Variants in LRRC53 observed in about 807,000 individuals in gnomAD.
The protein encoded by LRRC53 is leucine-rich repeat-containing protein 53.
LRRC53 carries 25 observed loss-of-function variants against 13.6 expected under a neutral mutation model. That is an observed-to-expected ratio of 1.83 (90% confidence interval 1.34 to 2.56). LRRC53 has a LOEUF of 2.56. Ranked by LOEUF, LRRC53 falls within the 30% of genes most tolerant of loss-of-function variation. LRRC53 has a pLI of 0.00. For synonymous variants in LRRC53, 204 were observed against 109.8 expected, an observed-to-expected ratio of 1.86 and a Z score of -5.37; for missense variants, 527 against 275.8, an observed-to-expected ratio of 1.91 and a Z score of -6.45.
rs200475459 is a variant in LRRC53 at position 74,492,223 on chromosome 1, G to C, written c.-26-8848C>G. The C allele has an allele frequency of 3.8e-5, 61 of 1,612,446 alleles. No individual in the cohort carries two copies. The highest frequency in any genetic ancestry group is 5.0e-5 in the Admixed American group (3 of 59,992). ...AGCATTAAGAAGTCGTTTCGAATTG[G>C]AATATGCTCTAAATGCAAGGTCCTA... is the stretch of plus-strand genomic sequence containing the variant. On this transcript the variant is annotated intron_variant, in intron 1 of 4. Transcript: ENST00000294635.
At chr1:74,524,805 G>A in the LRRC53 span, among the ~76,000 whole-genome samples, 2 of 152,116 alleles carry the variant, frequency 1.3e-5, no homozygotes, top group African/African-American at 4.8e-5. Context: ...GCCTCATGAA[G>A]GGGGACAGGC....
chr1:74,486,234 G>GT (rs1668757949), intron 1 of LRRC53, among the ~76,000 whole-genome samples: 1 of 56,262 alleles, frequency 1.8e-5, no homozygotes, highest in Non-Finnish European at 4.9e-5. Flanking sequence ...AGAGAGAGAG[G>GT]TGGGAAATAT....
At chr1:74,531,618 G>A in the LRRC53 span, among the ~76,000 whole-genome samples, 1 of 152,170 alleles carries the variant, frequency 6.6e-6, no homozygotes, top group Non-Finnish European at 1.5e-5. Context: ...TATGGCAAGA[G>A]ATTTATTATC....
chr1:74,503,453 G>A (rs181393050), intron 1 of LRRC53, among the ~76,000 whole-genome samples: 149 of 152,290 alleles, frequency 9.8e-4, no homozygotes, highest in African/African-American at 3.3e-3. Flanking sequence ...CCTCACTTCA[G>A]CAGTGTCTTC....
At chr1:74,481,032 G>A (rs1668475949) in intron 2 of LRRC53, 64 bp from the exon 3 acceptor site, 1 of 637,576 alleles carries the variant, frequency 1.6e-6, no homozygotes, top group African/African-American at 1.8e-5. Flanking sequence ...GGGGTATGGT[G>A]GAGAGCAGAG....
chr1:74,475,061 T>A (rs74093596), intron 4 of LRRC53, among the ~76,000 whole-genome samples: 1 of 149,952 alleles, frequency 6.7e-6, no homozygotes, highest in Non-Finnish European at 1.5e-5. Flanking sequence ...CTTTTAGCAG[T>A]CAGGAGATGC....
chr1:74,483,247 T>C lies in LRRC53; in HGVS notation c.88+15A>G, dbSNP rs1229301718. ...TACACTGAGCACTGCTTTTTAGAGT[T>C]ATTAGTTTTATTACCTACTATATAG... On this transcript the variant is annotated intron_variant, in intron 2 of 4. Coordinates refer to ENST00000294635, the MANE Select transcript of LRRC53 (RefSeq NM_001382280.1). 1.4e-6 allele frequency: 1 copy of C among 716,844 alleles called. No individual in the cohort carries two copies. Among genetic ancestry groups the C allele is most frequent in the Non-Finnish European group, 2.6e-6 (1 of 384,620 alleles). 44.4% of individuals were successfully genotyped at this position (716,844 alleles called of 1,614,324 possible). A position where few individuals can be genotyped will look rare whatever the true frequency, so the allele number is the denominator to read the frequency against.
At chr1:74,516,986 C>G (rs1004706155), upstream of LRRC53, among the ~76,000 whole-genome samples, 4 of 152,142 alleles carry the variant, frequency 2.6e-5, no homozygotes, top group Non-Finnish European at 4.4e-5. Context: ...CTCCCATGAG[C>G]ATCATTATGA....
rs1667849348 is a variant in LRRC53, at chr1:74,470,048, T to C, written c.3574A>G (p.Thr1192Ala). The C allele has an allele frequency of 2.5e-6, 1 of 400,734 alleles. No homozygotes were observed. Among genetic ancestry groups the C allele is most frequent in the African/African-American group, 2.0e-5 (1 of 48,834 alleles). 24.8% of individuals were successfully genotyped at this position (400,734 alleles called of 1,614,324 possible). The change falls in exon 5 of 5, where the codon ACA (threonine) becomes GCA (alanine). Residue 1192 changes from threonine (T) to alanine (A), a missense_variant. Physicochemically the swap from Thr to Ala is moderately conservative, Grantham distance 58 (BLOSUM62 0). Coordinates refer to ENST00000294635, the MANE Select transcript of LRRC53 (RefSeq NM_001382280.1). ...GGTAAGAAGGAAAGCGCTTCATGTG[T>C]CTCCACTGTCATTGCGCCTTCTTTA... ...AHKEGAMTVE[T>A]HEALSFLPGL...
chr1:74,494,070 G>A (rs1273651093), intron 1 of LRRC53, among the ~76,000 whole-genome samples: 1 of 152,092 alleles, frequency 6.6e-6, no homozygotes, highest in Non-Finnish European at 1.5e-5. Flanking sequence ...CCTGAAGAGT[G>A]CATACTTTCC....
chr1:74,480,695 G>A lies in LRRC53; in HGVS notation c.362C>T (p.Thr121Ile), dbSNP rs1049737621. Reference sequence around the variant, plus strand: ...GTTTCGGAACCAAGACCCTCGTAGGGTGCGGAGAGCATTATTGCTCAGCAC... The same window carrying A: ...GTTTCGGAACCAAGACCCTCGTAGGATGCGGAGAGCATTATTGCTCAGCAC... ...VLVLSNNALRTLRGSWFRNTS... is the reference protein window; with the variant it reads ...VLVLSNNALRILRGSWFRNTS... Residue 121 changes from threonine (T) to isoleucine (I), a missense_variant, in exon 3 of 5, where the codon ACC (threonine) becomes ATC (isoleucine). By Grantham distance (89) the Thr-to-Ile change is moderately conservative (BLOSUM62 -1). Transcript: ENST00000294635. The A allele has an allele frequency of 1.7e-5, 12 of 717,284 alleles. No homozygotes were observed. The highest frequency in any genetic ancestry group is 1.4e-4 in the Admixed American group (7 of 49,990). 44.4% of individuals were successfully genotyped at this position (717,284 alleles called of 1,614,324 possible).
At chr1:74,518,319 C>T in the LRRC53 span, among the ~76,000 whole-genome samples, 255 of 152,264 alleles carry the variant, frequency 1.7e-3, no homozygotes, top group African/African-American at 5.7e-3. Context: ...TATTTATTTT[C>T]ATCTCCTATT....
chr1:74,526,696 C>T, the LRRC53 span, among the ~76,000 whole-genome samples: 10 of 152,046 alleles, frequency 6.6e-5, no homozygotes, highest in Non-Finnish European at 1.5e-4. Context: ...CATTCCTCTC[C>T]TAGGAGAAGC....
upstream of LRRC53, among the ~76,000 whole-genome samples, chr1:74,513,583 A>G (rs956941259): frequency 6.6e-6 from 1 of 152,146 alleles, no homozygotes; most frequent in African/African-American, 2.4e-5. Context: ...AATCTGCTTC[A>G]TCCAGAGGCA....
chr1:74,491,008 A>C (rs937016170), intron 1 of LRRC53, among the ~76,000 whole-genome samples: 7 of 152,210 alleles, frequency 4.6e-5, no homozygotes, highest in African/African-American at 1.7e-4. Flanking sequence ...GCAAAATAAA[A>C]GATATGATTA....
intron 1 of LRRC53, among the ~76,000 whole-genome samples, chr1:74,502,831 C>T (rs770269468): frequency 6.6e-6 from 1 of 152,208 alleles, no homozygotes; most frequent in Non-Finnish European, 1.5e-5. Context: ...GCCTCGTTCA[C>T]AGGCGTGCCG....
At position 74,481,025 on chromosome 1, in the gene LRRC53, G is replaced by T. The variant is rs377374979; in HGVS notation, c.89-57C>A. The stretch of plus-strand genomic sequence containing the variant: ...GGTACACATGAGTGGGAGGGAGGGG[G>T]TATGGTGGAGAGCAGAGAATCAATA... On this transcript the variant is annotated intron_variant, in intron 2 of 4. Transcript: ENST00000294635. 1.1e-5 allele frequency: 7 copies of T among 648,928 alleles called. No homozygotes were observed. The Admixed American group carries it at 1.2e-4, about 11-fold the overall frequency. The allele number at this position is 648,928 out of a possible 1,614,324, so 40.2% of individuals were successfully genotyped here. A position where few individuals can be genotyped will look rare whatever the true frequency, so the allele number is the denominator to read the frequency against.
chr1:74,510,859 T>C, intron 1 of LRRC53, among the ~76,000 whole-genome samples: 1 of 152,252 alleles, frequency 6.6e-6, no homozygotes, highest in Non-Finnish European at 1.5e-5. Flanking sequence ...TCTTGTATTC[T>C]TGTATAAAGA....
At position 74,508,611 on chromosome 1, in the gene LRRC53, A is replaced by G. The variant is rs144477903; in HGVS notation, c.-27+3915T>C. Among the ~76,000 whole-genome samples the G allele has an allele frequency of 6.1e-4, 93 of 152,330 alleles. 1 individual carries two copies. Among genetic ancestry groups the G allele is most frequent in the African/African-American group, 2.1e-3 (88 of 41,582 alleles). On this transcript the variant is annotated intron_variant, in intron 1 of 4. Coordinates refer to ENST00000294635, the MANE Select transcript of LRRC53 (RefSeq NM_001382280.1). ...GCATTCAGAGGATAAGTAGCGAATC[A>G]GTCTGCCAGAGCGGTAGCATGGGAG...
Sources: gnomAD v4.1 joint callset for allele counts (sites outside exome capture counted in the v4.1 genomes callset) on GRCh38, gnomAD v4.1.1 for gene constraint, MANE v1.5 for transcripts, NCBI Gene and HGNC (gene_info 2026-07-23, HGNC 2026-07-21) for gene names.